Variants in NLGN4X observed in about 807,000 individuals in gnomAD.
The protein encoded by NLGN4X is neuroligin-4, X-linked.
In NLGN4X, 3 loss-of-function variants were observed where a neutral mutation model predicts 40.3. That is an observed-to-expected ratio of 0.07 (90% CI 0.03 to 0.19). NLGN4X has a LOEUF of 0.19. Among genes scored for constraint, NLGN4X ranks in the 10% least tolerant of loss-of-function variants. The pLI, the probability that NLGN4X is intolerant of heterozygous loss-of-function variation, is 1.00. For missense variants in NLGN4X, 382 were observed against 708.3 expected (o/e 0.54, Z 5.23); for synonymous variants, 270 against 306.8 (o/e 0.88, Z 1.25).
chrX:6,021,250 A>T (rs1004915686), intron 3 of NLGN4X, among the ~76,000 whole-genome samples: 18 of 107,543 alleles, frequency 1.7e-4, no homozygotes, highest in Non-Finnish European at 2.9e-4. Context: ...CCTTCCCCTG[A>T]TTTTCCTTGC....
intron 2 of NLGN4X, among the ~76,000 whole-genome samples, chrX:6,112,561 GCTTT>G (rs200038356): frequency 0.035 from 3,767 of 106,658 alleles, 187 homozygotes; most frequent in African/African-American, 0.12. Context: ...TATAGTCCCC[GCTTT>G]CTTTTTTTTT....
intron 2 of NLGN4X, among the ~76,000 whole-genome samples, chrX:6,148,933 T>C (rs2040109357): frequency 8.9e-6 from 1 of 112,084 alleles, no homozygotes; most frequent in South Asian, 3.7e-4. Context: ...AGCTTTGAAC[T>C]CTCACCAGCA....
At chrX:6,032,643 G>T in intron 2 of NLGN4X, 1 of 830,382 alleles carries the variant, frequency 1.2e-6, no homozygotes. Flanking sequence ...GAGATAGATA[G>T]ATATAAAATC....
chrX:6,219,631 T>G (rs755225214), intron 1 of NLGN4X, among the ~76,000 whole-genome samples: 1 of 106,742 alleles, frequency 9.4e-6, no homozygotes, highest in Non-Finnish European at 1.9e-5. Context: ...CTCCATCCCT[T>G]CCTTCTTCCT....
chrX:6,211,342 A>G (rs1345052141), intron 1 of NLGN4X, among the ~76,000 whole-genome samples: 1 of 111,906 alleles, frequency 8.9e-6, no homozygotes, highest in Non-Finnish European at 1.9e-5. Flanking sequence ...AGAAAAATAC[A>G]TTAGAGGAGC....
intron 1 of NLGN4X, among the ~76,000 whole-genome samples, chrX:6,178,479 C>A (rs1921049683): frequency 8.9e-6 from 1 of 111,751 alleles, no homozygotes; most frequent in Non-Finnish European, 1.9e-5. Flanking sequence ...CCCTGGGAAG[C>A]AAACCACAGT....
intron 3 of NLGN4X, among the ~76,000 whole-genome samples, chrX:5,984,208 A>T (rs1477326443): frequency 9.0e-6 from 1 of 111,490 alleles, no homozygotes; most frequent in Non-Finnish European, 1.9e-5. Flanking sequence ...ATAAGAAGAA[A>T]CTAAAATTAA....
At chrX:6,032,193 T>C (rs112621589) in intron 2 of NLGN4X, among the ~76,000 whole-genome samples, 2,462 of 96,448 alleles carry the variant, frequency 0.026, 50 homozygotes, top group East Asian at 0.14. Context: ...GGAATCAATA[T>C]GTTTGTGAAG....
At chrX:6,201,709 G>T (rs1247952486) in intron 1 of NLGN4X, among the ~76,000 whole-genome samples, 1 of 111,213 alleles carries the variant, frequency 9.0e-6, no homozygotes, top group East Asian at 2.8e-4. Flanking sequence ...AGGAGAAGAT[G>T]CCATGAGCAG....
chrX:6,144,446 C>G (rs947069681), intron 2 of NLGN4X, among the ~76,000 whole-genome samples: 1 of 111,700 alleles, frequency 9.0e-6, no homozygotes. Context: ...ACTTAGTAAG[C>G]TTAGAACAGC....
At chrX:6,198,213 G>A (rs909548975) in intron 1 of NLGN4X, among the ~76,000 whole-genome samples, 7 of 111,843 alleles carry the variant, frequency 6.3e-5, no homozygotes, top group Admixed American at 9.5e-5. Context: ...CTATAATGAC[G>A]TTTCGAATAA....
At chrX:6,071,952 G>T (rs938975063) in intron 2 of NLGN4X, among the ~76,000 whole-genome samples, 8 of 110,879 alleles carry the variant, frequency 7.2e-5, no homozygotes, top group Non-Finnish European at 1.5e-4. Context: ...TGCCCAGCCT[G>T]TCAGAGTGTG....
At chrX:5,964,763 C>A (rs1337794822) in intron 3 of NLGN4X, among the ~76,000 whole-genome samples, 1 of 111,916 alleles carries the variant, frequency 8.9e-6, no homozygotes, top group Non-Finnish European at 1.9e-5. Context: ...AAATGATCCT[C>A]CTGCCTTGGC....
chrX:6,045,590 G>A (rs2037296784), intron 2 of NLGN4X, among the ~76,000 whole-genome samples: 1 of 111,894 alleles, frequency 8.9e-6, no homozygotes, highest in Non-Finnish European at 1.9e-5. Flanking sequence ...TTGAAGGAAA[G>A]AAGTCAGGTG....
chrX:6,150,294 T>C (rs2040136942), intron 2 of NLGN4X, among the ~76,000 whole-genome samples: 1 of 112,249 alleles, frequency 8.9e-6, no homozygotes, highest in South Asian at 3.6e-4. Context: ...ATATTAAACG[T>C]TATTGTGTCT....
intron 2 of NLGN4X, among the ~76,000 whole-genome samples, chrX:6,056,987 C>T (rs187019239): frequency 1.8e-5 from 2 of 111,577 alleles, no homozygotes; most frequent in South Asian, 3.7e-4. Context: ...GGCGATGCTA[C>T]GAAAATTTTT....
chrX:5,909,123 C>T lies in NLGN4X; in HGVS notation c.742G>A (p.Val248Met). ...CCAGCCCCCGAGCCAAAGATGGTCACTCTCTTGGGGTCCCCGCCAAAGGCT... is the reference window on the plus strand; with the variant it reads ...CCAGCCCCCGAGCCAAAGATGGTCATTCTCTTGGGGTCCCCGCCAAAGGCT... ...VGAFGGDPKR[V>M]TIFGSGAGAS... The change falls in exon 4 of 6, where the codon GTG (valine) becomes ATG (methionine). Residue 248 changes from valine (V) to methionine (M), a missense_variant. Val to Met is a conservative substitution (Grantham distance 21, BLOSUM62 1). This residue lies in a region of NLGN4X where 32 missense variants were observed against 85.2 expected (regional missense o/e 0.38). Coordinates refer to ENST00000381095, the MANE Select transcript of NLGN4X (RefSeq NM_181332.3). 1.7e-6 allele frequency: 2 copies of T among 1,211,699 alleles called. No individual in the cohort carries two copies. The highest frequency in any genetic ancestry group is 2.2e-6 in the Non-Finnish European group (2 of 895,564).
At chrX:6,023,595 C>T (rs2036608033) in intron 3 of NLGN4X, among the ~76,000 whole-genome samples, 1 of 111,784 alleles carries the variant, frequency 8.9e-6, no homozygotes, top group African/African-American at 3.3e-5. Flanking sequence ...TGAGTAAATC[C>T]CATTACCTCA....
At chrX:6,147,537 T>TTAG (rs1315020043) in intron 2 of NLGN4X, among the ~76,000 whole-genome samples, 10 of 111,890 alleles carry the variant, frequency 8.9e-5, no homozygotes, top group African/African-American at 3.2e-4. Context: ...TCAAGTGGAC[T>TTAG]TAGTATGTGA....
Sources: gnomAD v4.1 joint callset for allele counts (sites outside exome capture counted in the v4.1 genomes callset) on GRCh38, gnomAD v4.1.1 for gene constraint, gnomAD v4.1.1 regional missense constraint, MANE v1.5 for transcripts, NCBI Gene and HGNC (gene_info 2026-07-23, HGNC 2026-07-21) for gene names.